MMP20: variants seen among roughly 807,000 people sequenced by gnomAD.
The protein encoded by MMP20 is matrix metallopeptidase 20.
MMP20 carries 50 observed loss-of-function variants against 51.8 expected under a neutral mutation model. That is an observed-to-expected ratio of 0.97 (90% CI 0.77 to 1.22). MMP20 has a LOEUF of 1.22. Ranked by LOEUF, MMP20 falls within the 50% of genes most tolerant of loss-of-function variation. The pLI is 0.00. For synonymous variants in MMP20, 244 were observed against 216.2 expected, an observed-to-expected ratio of 1.13 and a Z score of -1.13; for missense variants, 663 against 601.4, an observed-to-expected ratio of 1.10 and a Z score of -1.07.
intron 8 of MMP20, among the ~76,000 whole-genome samples, chr11:102,584,712 G>C (rs986537368): frequency 1.2e-4 from 18 of 152,054 alleles, no homozygotes; most frequent in South Asian, 1.0e-3. Context: ...CCAAGATCAC[G>C]AAGATTTATC....
intron 6 of MMP20, among the ~76,000 whole-genome samples, chr11:102,598,997 G>T (rs547339411): frequency 6.8e-6 from 1 of 146,128 alleles, no homozygotes; most frequent in Admixed American, 7.1e-5. Flanking sequence ...GTGGGAAGGG[G>T]TGTCTTTCTT....
intron 8 of MMP20, among the ~76,000 whole-genome samples, chr11:102,579,650 G>C (rs375995289): frequency 1.7e-4 from 26 of 152,238 alleles, no homozygotes; most frequent in African/African-American, 6.3e-4. Flanking sequence ...ATACCTAAAA[G>C]AGATTATAGA....
At chr11:102,600,464 TC>T (rs879489416) in intron 6 of MMP20, among the ~76,000 whole-genome samples, 15 of 152,256 alleles carry the variant, frequency 9.9e-5, no homozygotes, top group Non-Finnish European at 1.8e-4. Flanking sequence ...CTCTTTTGTT[TC>T]CCCCCATTTG....
At chr11:102,597,436 C>T (rs955358181) in intron 6 of MMP20, among the ~76,000 whole-genome samples, 3 of 152,130 alleles carry the variant, frequency 2.0e-5, no homozygotes, top group Admixed American at 6.5e-5. Flanking sequence ...TGTAGGATAT[C>T]GTGAGGACTA....
chr11:102,604,574 G>A (rs974570057), intron 6 of MMP20, among the ~76,000 whole-genome samples: 1 of 152,128 alleles, frequency 6.6e-6, no homozygotes, highest in Non-Finnish European at 1.5e-5. Context: ...TCATCAGTAA[G>A]CAGTAGGGCC....
intron 8 of MMP20, among the ~76,000 whole-genome samples, chr11:102,590,789 T>C (rs925090283): frequency 1.3e-5 from 2 of 152,184 alleles, no homozygotes; most frequent in Non-Finnish European, 2.9e-5. Flanking sequence ...CAAAACTTCA[T>C]TTATCTCCTT....
At chr11:102,611,003 G>A (rs945032415) in intron 3 of MMP20, among the ~76,000 whole-genome samples, 24 of 151,900 alleles carry the variant, frequency 1.6e-4, no homozygotes, top group African/African-American at 5.8e-4. Flanking sequence ...TTCACCAGGG[G>A]TGGCCTTTCT....
intron 8 of MMP20, among the ~76,000 whole-genome samples, chr11:102,587,861 C>G (rs181481807): frequency 4.6e-4 from 70 of 152,228 alleles, no homozygotes; most frequent in Admixed American, 2.7e-3. Context: ...CTGCTGTAGA[C>G]AGCATATAGG....
At chr11:102,624,236 A>G (rs1859787630) in intron 1 of MMP20, among the ~76,000 whole-genome samples, 1 of 152,222 alleles carries the variant, frequency 6.6e-6, no homozygotes, top group South Asian at 2.1e-4. Context: ...GGAGCTGGTG[A>G]TCACAGATGT....
chr11:102,601,122 A>ATTTTTTTTT (rs1193022328), intron 6 of MMP20, among the ~76,000 whole-genome samples: 2 of 36,984 alleles, frequency 5.4e-5, no homozygotes, highest in African/African-American at 1.9e-4. Context: ...AGTGTCGGCT[A>ATTTTTTTTT]TTCTTTTTTT....
chr11:102,624,401 CATATATATAT>C (rs58212685), intron 1 of MMP20, among the ~76,000 whole-genome samples: 75 of 140,234 alleles, frequency 5.3e-4, no homozygotes, highest in African/African-American at 1.6e-3. Flanking sequence ...CGCTTGGAAG[CATATATATAT>C]ATATATATAT....
At chr11:102,579,208 T>C in intron 8 of MMP20, 66 bp from the exon 9 acceptor site, 1 of 1,113,320 alleles carries the variant, frequency 9.0e-7, no homozygotes. Flanking sequence ...GATGACACTA[T>C]ACTGGTCAGG....
At chr11:102,615,149 AACGT>A (rs1400704410) in intron 2 of MMP20, among the ~76,000 whole-genome samples, 1 of 146,774 alleles carries the variant, frequency 6.8e-6, no homozygotes, top group Non-Finnish European at 1.5e-5. Flanking sequence ...AATAATAAAT[AACGT>A]ATTTTATTTA....
In MMP20 at chr11:102,606,454, G is replaced by A. The variant is rs985698323; in HGVS notation, c.953+81C>T. On this transcript the variant is annotated intron_variant, in intron 6 of 9. Transcript: ENST00000260228. ...TTCTGCATGATCTTCATACAAGGCA[G>A]CAACAAGGACCTGTGGGACGACGTT... 164 of 1,562,224 alleles carry A rather than the reference G, an allele frequency of 1.0e-4. No homozygotes were observed. The African/African-American group carries it at 2.0e-3, about 19-fold the overall frequency.
At chr11:102,600,315 T>C (rs1454810475) in intron 6 of MMP20, among the ~76,000 whole-genome samples, 2 of 152,214 alleles carry the variant, frequency 1.3e-5, no homozygotes, top group African/African-American at 4.8e-5. Flanking sequence ...TGTAGCATCT[T>C]GTATTTCTTT....
chr11:102,622,776 C>T (rs989628345), intron 1 of MMP20, among the ~76,000 whole-genome samples: 3 of 152,224 alleles, frequency 2.0e-5, no homozygotes, highest in Non-Finnish European at 4.4e-5. Flanking sequence ...TCTCATATTT[C>T]TCCAGCATAT....
Position 102,579,033 on chromosome 11 carries a change from A to G in MMP20, c.1351+6T>C. On this transcript the variant is annotated splice_donor_region_variant and intron_variant, in intron 9 of 9. Transcript: ENST00000260228. ...CATGAAGAAAGTTTTCAGTGGAAAC[A>G]CTTACCATTTAATTCTACAGCAGCA... 6.3e-7 allele frequency: 1 copy of G among 1,596,232 alleles called. No individual in the cohort carries two copies. Among genetic ancestry groups the G allele is most frequent in the Non-Finnish European group, 8.6e-7 (1 of 1,163,768 alleles).
chr11:102,616,937 G>A lies in MMP20; in HGVS notation c.249C>T (p.Val83=). 1 of 1,614,194 alleles carries A rather than the reference G, an allele frequency of 6.2e-7. No homozygotes were observed. Residue 83 remains valine (V), a synonymous_variant, in exon 2 of 10, where the codon GTC becomes GTT. Transcript: ENST00000260228. The part of the protein sequence containing the change: ...KELQAFFGLQ[V]TGKLDQTTMN... ...TTGTGGTCTGGTCTAACTTCCCGGT[G>A]ACTTGGAGGCCAAAGAACGCTTGTA...
chr11:102,587,676 C>A (rs1555075481), intron 8 of MMP20, among the ~76,000 whole-genome samples: 1 of 152,022 alleles, frequency 6.6e-6, no homozygotes, highest in Non-Finnish European at 1.5e-5. Context: ...GGTATATTGA[C>A]TTTTTGTCAT....
Sources: gnomAD v4.1 joint callset for allele counts (sites outside exome capture counted in the v4.1 genomes callset) on GRCh38, gnomAD v4.1.1 for gene constraint, MANE v1.5 for transcripts, NCBI Gene and HGNC (gene_info 2026-07-23, HGNC 2026-07-21) for gene names.